The following LINC00237 variants were observed in gnomAD, a reference collection of about 807,000 sequenced individuals.
The protein encoded by LINC00237 is long intergenic non-protein coding RNA 237.
At chr20:21,102,422 A>T (rs1427797332) in intron 1 of LINC00237, among the ~76,000 whole-genome samples, 1 of 151,812 alleles carries the variant, frequency 6.6e-6, no homozygotes, top group Admixed American at 6.6e-5. Flanking sequence ...AAGGAGAAAG[A>T]CTCCCACCCT....
At chr20:21,104,838 CACAG>C (rs1057228952) in intron 1 of LINC00237, among the ~76,000 whole-genome samples, 29 of 152,314 alleles carry the variant, frequency 1.9e-4, no homozygotes, top group African/African-American at 6.7e-4. Context: ...CAGACAGACA[CACAG>C]ACACACAGGC....
At chr20:21,091,184 C>CACAG (rs2030788334) in intron 2 of LINC00237, among the ~76,000 whole-genome samples, 1 of 151,994 alleles carries the variant, frequency 6.6e-6, no homozygotes, top group Admixed American at 6.6e-5. Context: ...CACACTCACA[C>CACAG]ACACACACCT....
chr20:21,092,580 G>T lies in LINC00237; in HGVS notation n.472+889C>A, dbSNP rs535395972. ...TTAAAGATAATTCCTCTCTGTTATG[G>T]CTTAAATGGCTCATCTTCTTTATGA... On this transcript the variant is annotated intron_variant and non_coding_transcript_variant, in intron 2 of 3. Coordinates refer to ENST00000691244, the Ensembl canonical transcript of LINC00237. 7.2e-5 allele frequency among the ~76,000 whole-genome samples: 11 copies of T among 152,210 alleles called. 1 individual carries two copies. The South Asian group carries it at 2.3e-3, about 32-fold the overall frequency.
chr20:21,103,326 T>C (rs12106195), intron 1 of LINC00237, among the ~76,000 whole-genome samples: 1,575 of 152,176 alleles, frequency 0.01, 25 homozygotes, highest in African/African-American at 0.036. Flanking sequence ...CATCTCAAAG[T>C]TGGCGGGTGG....
intron 2 of LINC00237, chr20:21,090,106 T>G (rs2030772065): frequency 6.6e-6 from 1 of 152,258 alleles, no homozygotes; most frequent in Non-Finnish European, 1.5e-5. Context: ...ACAATTTTAC[T>G]GTTTTCCTCT....
At chr20:21,087,031 GTATA>G (rs1181731637) in intron 3 of LINC00237, among the ~76,000 whole-genome samples, 1 of 141,584 alleles carries the variant, frequency 7.1e-6, no homozygotes, top group Non-Finnish European at 1.5e-5. Flanking sequence ...ACTCTATATA[GTATA>G]TAGAGTACAT....
intron 2 of LINC00237, chr20:21,090,089 T>C (rs1267389463): frequency 6.6e-6 from 1 of 152,264 alleles, no homozygotes; most frequent in African/African-American, 2.4e-5. Flanking sequence ...ATGTGATATG[T>C]TGGCAAACAA....
At chr20:21,092,131 T>G (rs912639272) in intron 2 of LINC00237, among the ~76,000 whole-genome samples, 6 of 152,216 alleles carry the variant, frequency 3.9e-5, no homozygotes, top group African/African-American at 1.4e-4. Flanking sequence ...CTCCACCCAG[T>G]GTTCAAGGAC....
intron 1 of LINC00237, among the ~76,000 whole-genome samples, chr20:21,105,585 G>T (rs1437090241): frequency 6.6e-6 from 1 of 152,202 alleles, no homozygotes; most frequent in Non-Finnish European, 1.5e-5. Context: ...AGGGCCCTGC[G>T]CTCACACTTC....
intron 1 of LINC00237, among the ~76,000 whole-genome samples, chr20:21,102,108 G>A (rs2030940076): frequency 6.6e-6 from 1 of 152,248 alleles, no homozygotes; most frequent in African/African-American, 2.4e-5. Context: ...TTTGCTTTAA[G>A]TATACTTGGG....
At chr20:21,099,669 A>G (rs892323154) in intron 1 of LINC00237, among the ~76,000 whole-genome samples, 1 of 151,890 alleles carries the variant, frequency 6.6e-6, no homozygotes, top group Non-Finnish European at 1.5e-5. Flanking sequence ...CTTTTTTTAT[A>G]TATATAAGGG....
At chr20:21,103,109 G>T (rs1262880436) in intron 1 of LINC00237, among the ~76,000 whole-genome samples, 1 of 152,256 alleles carries the variant, frequency 6.6e-6, no homozygotes, top group Non-Finnish European at 1.5e-5. Flanking sequence ...GAAGCTGGAG[G>T]GCGCACTCCC....
chr20:21,086,804 A>G (rs1159348447), intron 3 of LINC00237, among the ~76,000 whole-genome samples: 1 of 124,066 alleles, frequency 8.1e-6, no homozygotes, highest in Non-Finnish European at 1.6e-5. Flanking sequence ...TATACTATAT[A>G]TATGTATAGT....
At position 21,086,984 on chromosome 20, in the gene LINC00237, CTATAGTACATA is replaced by C. The variant is rs201213071; in HGVS notation, n.559+949_559+959del. ...AGTATATATATACACTCTATATGTA[CTATAGTACATA>C]TATAGTACATATATAGTATATATGT... On this transcript the variant is annotated intron_variant and non_coding_transcript_variant, in intron 3 of 3. Coordinates refer to ENST00000691244, the Ensembl canonical transcript of LINC00237. Among the ~76,000 whole-genome samples, 1,152 of 138,358 alleles carry C rather than the reference CTATAGTACATA, an allele frequency of 8.3e-3. 14 individuals carry two copies. Among genetic ancestry groups the C allele is most frequent in the African/African-American group, 0.029 (1,081 of 37,454 alleles). The allele number at this position is 138,358 out of a possible 152,430, so 90.8% of individuals were successfully genotyped here.
At chr20:21,099,115 G>C (rs1295372045) in intron 1 of LINC00237, among the ~76,000 whole-genome samples, 1 of 152,202 alleles carries the variant, frequency 6.6e-6, no homozygotes, top group Non-Finnish European at 1.5e-5. Context: ...CTAAATCTGT[G>C]AAAGGATGTG....
Position 21,089,346 on chromosome 20 carries a change from T to G in LINC00237, n.473-1316A>C, listed in dbSNP as rs149006552. On this transcript the variant is annotated intron_variant and non_coding_transcript_variant, in intron 2 of 3. Coordinates refer to ENST00000691244, the Ensembl canonical transcript of LINC00237. ...TCAAGTTGTGCTGATATCCTTGATG[T>G]CTCTAACAAACCAGAGACTGCCTGT... is the stretch of plus-strand genomic sequence containing the variant. Among the ~76,000 whole-genome samples, 20 of 152,072 alleles carry G rather than the reference T, an allele frequency of 1.3e-4. No individual in the cohort carries two copies. In the East Asian group the frequency reaches 3.7e-3, roughly 28 times the overall value.
chr20:21,098,422 G>T (rs971153811), intron 1 of LINC00237, among the ~76,000 whole-genome samples: 1 of 152,160 alleles, frequency 6.6e-6, no homozygotes, highest in Non-Finnish European at 1.5e-5. Context: ...GAATGTGCCC[G>T]GTAGAAATGC....
intron 1 of LINC00237, among the ~76,000 whole-genome samples, chr20:21,098,906 C>G (rs2030893691): frequency 1.3e-5 from 2 of 152,218 alleles, no homozygotes; most frequent in East Asian, 3.8e-4. Context: ...TCAAATGGTT[C>G]CTTTCTAGGC....
chr20:21,089,377 T>A (rs2030760627), intron 2 of LINC00237, among the ~76,000 whole-genome samples: 1 of 151,862 alleles, frequency 6.6e-6, no homozygotes, highest in East Asian at 1.9e-4. Flanking sequence ...CCTGTGAGAA[T>A]CCTGTATGTC....
Sources: allele counts gnomAD v4.1 joint callset (sites outside exome capture counted in the v4.1 genomes callset), GRCh38; gene constraint gnomAD v4.1.1; transcripts MANE v1.5; gene names NCBI Gene and HGNC (gene_info 2026-07-23, HGNC 2026-07-21).